Variants in CNOT4 observed in about 807,000 individuals in gnomAD.
CNOT4 encodes CCR4-NOT transcription complex subunit 4, also known as CCR4-associated factor 4.
CNOT4 carries 8 observed loss-of-function variants against 73.8 expected under a neutral mutation model. The observed-to-expected ratio is 0.11, with a 90% CI of 0.06 to 0.20. The LOEUF is 0.20. CNOT4 is among the 10% of genes least tolerant of loss of function. CNOT4 has a pLI of 1.00. For synonymous variants in CNOT4, 293 were observed against 321.1 expected (o/e 0.91, Z 0.94); for missense variants, 564 against 883.4 (o/e 0.64, Z 4.58).
chr7:135,390,837 A>T (rs930196673), intron 10 of CNOT4, among the ~76,000 whole-genome samples: 3 of 152,172 alleles, frequency 2.0e-5, no homozygotes, highest in Non-Finnish European at 4.4e-5. Context: ...TTTGCTCTAC[A>T]TATTTAGAGA....
chr7:135,449,273 G>A (rs1049905755), intron 1 of CNOT4, among the ~76,000 whole-genome samples: 1 of 152,152 alleles, frequency 6.6e-6, no homozygotes, highest in African/African-American at 2.4e-5. Context: ...GGGGCAGGGG[G>A]ATTCTGAGGT....
chr7:135,421,695 T>C (rs763047318), intron 3 of CNOT4, among the ~76,000 whole-genome samples: 12 of 152,218 alleles, frequency 7.9e-5, no homozygotes, highest in African/African-American at 1.4e-4. Flanking sequence ...TGAGACAGTA[T>C]AGTAATAGTT....
At chr7:135,473,287 G>A (rs2129486856) in intron 1 of CNOT4, among the ~76,000 whole-genome samples, 1 of 151,972 alleles carries the variant, frequency 6.6e-6, no homozygotes, top group South Asian at 2.1e-4. Flanking sequence ...CATCTCTTAA[G>A]TTATTTACAA....
At position 135,363,964 on chromosome 7, in the gene CNOT4, G is replaced by C; in HGVS notation, c.1730C>G (p.Ser577Cys). Residue 577 changes from serine to cysteine, a missense_variant, in exon 11 of 12, where the codon TCT becomes TGT. Coordinates refer to ENST00000541284, the MANE Select transcript of CNOT4 (RefSeq NM_001190850.2). This position sits in a 1 kb window ranked among gnomAD's most constrained non-coding sequence, Gnocchi z 4.3. ...ININFGGLPN[S>C]SSPSNANHSA... Reference sequence around the variant, plus strand: ...GTGGTTGGCGTTGGAGGGGGAAGAAGAATTGGGCAGTCCACCAAAGTTGAT... The same window carrying C: ...GTGGTTGGCGTTGGAGGGGGAAGAACAATTGGGCAGTCCACCAAAGTTGAT... 6.3e-6 allele frequency: 10 copies of C among 1,598,406 alleles called. No individual in the cohort carries two copies. Among genetic ancestry groups the C allele is most frequent in the Non-Finnish European group, 8.5e-6 (10 of 1,179,728 alleles).
At chr7:135,420,382 G>C (rs562065591) in intron 3 of CNOT4, among the ~76,000 whole-genome samples, 1 of 151,910 alleles carries the variant, frequency 6.6e-6, no homozygotes, top group East Asian at 1.9e-4. Context: ...TTCAAGACCA[G>C]CCTGGGCAAT....
At chr7:135,470,333 T>C (rs770521390) in intron 1 of CNOT4, among the ~76,000 whole-genome samples, 11 of 150,822 alleles carry the variant, frequency 7.3e-5, no homozygotes, top group Non-Finnish European at 1.5e-4. Flanking sequence ...AGCGTCACTG[T>C]ATTGCACAGG....
intron 10 of CNOT4, among the ~76,000 whole-genome samples, chr7:135,390,954 T>G (rs375082974): frequency 6.6e-6 from 1 of 152,116 alleles, no homozygotes; most frequent in Admixed American, 6.5e-5. Context: ...TCTCCATTAC[T>G]GAAGCATTTA....
chr7:135,367,510 A>C (rs1287776056), intron 10 of CNOT4, among the ~76,000 whole-genome samples: 1 of 152,188 alleles, frequency 6.6e-6, no homozygotes, highest in Non-Finnish European at 1.5e-5. Flanking sequence ...CTCTCTCATA[A>C]GGATAAAAAT....
At chr7:135,436,167 T>C (rs1379391298) in intron 2 of CNOT4, among the ~76,000 whole-genome samples, 1 of 152,110 alleles carries the variant, frequency 6.6e-6, no homozygotes, top group Non-Finnish European at 1.5e-5. Flanking sequence ...GCTAAAGTTA[T>C]ACTGTTTTTA....
chr7:135,444,695 G>A (rs28613647), intron 1 of CNOT4: 101,317 of 1,223,252 alleles, frequency 0.083, 4,678 homozygotes, highest in Middle Eastern at 0.14. Context: ...GTCTGCTTCC[G>A]GCTGCTTGTT....
intron 7 of CNOT4, among the ~76,000 whole-genome samples, chr7:135,406,588 G>C (rs898674952): frequency 2.6e-5 from 4 of 152,118 alleles, no homozygotes; most frequent in African/African-American, 9.7e-5. Flanking sequence ...TTGAGCCTGG[G>C]AGGTCAAGGC....
intron 1 of CNOT4, among the ~76,000 whole-genome samples, chr7:135,480,850 C>A (rs1379684710): frequency 7.3e-6 from 1 of 137,798 alleles, no homozygotes; most frequent in African/African-American, 2.7e-5. Context: ...GAAGAAAGGA[C>A]AGGCTAATTT....
intron 1 of CNOT4, among the ~76,000 whole-genome samples, chr7:135,504,349 G>A (rs1395411266): frequency 6.7e-6 from 1 of 148,982 alleles, no homozygotes; most frequent in Non-Finnish European, 1.5e-5. Context: ...AGGCTAGAGT[G>A]CAATGGCGCA....
At chr7:135,462,897 G>A (rs960701153) in intron 1 of CNOT4, among the ~76,000 whole-genome samples, 11 of 152,240 alleles carry the variant, frequency 7.2e-5, no homozygotes, top group Admixed American at 2.6e-4. Context: ...GTTAAGCAAC[G>A]GATTTTAAAG....
intron 7 of CNOT4, among the ~76,000 whole-genome samples, chr7:135,399,194 T>C (rs1172745982): frequency 6.6e-6 from 1 of 152,080 alleles, no homozygotes; most frequent in African/African-American, 2.4e-5. Context: ...GGTTGCTTAA[T>C]GATGGGATAC....
At chr7:135,493,193 T>TTTGTTTGC (rs1418647884) in intron 1 of CNOT4, among the ~76,000 whole-genome samples, 4 of 152,040 alleles carry the variant, frequency 2.6e-5, no homozygotes, top group Admixed American at 6.6e-5. Context: ...GGTTGGTTGG[T>TTTGTTTGC]TTGTTTGCTT....
chr7:135,363,620 A>G lies in CNOT4; in HGVS notation c.1840+234T>C, dbSNP rs192499985. ...AAAATACACATGTTGCCAGATGTTA[A>G]CACCTACTTAAACCAGAAGAAGCAA... On this transcript the variant is annotated intron_variant, in intron 11 of 11. Transcript: ENST00000541284. This position sits in a 1 kb window ranked among gnomAD's most constrained non-coding sequence, Gnocchi z 4.3. 1.3e-5 allele frequency among the ~76,000 whole-genome samples: 2 copies of G among 152,372 alleles called. 1 individual carries two copies. Among genetic ancestry groups the G allele is most frequent in the Admixed American group, 1.3e-4 (2 of 15,300 alleles).
intron 1 of CNOT4, among the ~76,000 whole-genome samples, chr7:135,485,752 TA>T (rs1462979304): frequency 6.6e-6 from 1 of 152,182 alleles, no homozygotes; most frequent in East Asian, 1.9e-4. Context: ...GTTATCAACC[TA>T]AACCACTTAC....
At chr7:135,390,843 A>C (rs1796362338) in intron 10 of CNOT4, among the ~76,000 whole-genome samples, 1 of 152,186 alleles carries the variant, frequency 6.6e-6, no homozygotes, top group Non-Finnish European at 1.5e-5. Context: ...CTACATATTT[A>C]GAGAATAAAT....
Sources: gnomAD v4.1 joint callset for allele counts (sites outside exome capture counted in the v4.1 genomes callset) on GRCh38, gnomAD v4.1.1 for gene constraint, Gnocchi (gnomAD v3.1) non-coding constraint, MANE v1.5 for transcripts, NCBI Gene and HGNC (gene_info 2026-07-23, HGNC 2026-07-21) for gene names.